PHF21B: variants seen among roughly 807,000 people sequenced by gnomAD.
PHF21B encodes the protein PHD finger protein 4.
A neutral mutation model predicts 62.2 loss-of-function variants in PHF21B; 22 were observed. That is an observed-to-expected ratio of 0.35 (90% CI 0.25 to 0.51). The LOEUF is 0.51. Among genes scored for constraint, PHF21B ranks in the 20% least tolerant of loss-of-function variants. The pLI is 0.97. For synonymous variants in PHF21B, 341 were observed against 314.7 expected, an observed-to-expected ratio of 1.08 and a Z score of -0.88; for missense variants, 701 against 707.9, an observed-to-expected ratio of 0.99 and a Z score of 0.11.
At position 44,883,177 on chromosome 22, in the gene PHF21B, G is replaced by A; in HGVS notation, c.1505C>T (p.Thr502Ile). 6.2e-7 allele frequency: 1 copy of A among 1,613,452 alleles called. No homozygotes were observed. Among genetic ancestry groups the A allele is most frequent in the Non-Finnish European group, 8.5e-7 (1 of 1,179,974 alleles). ...CCCGGCCAGCAGTGGGGCAGGGCTAGTGGTCGTCATGGTGACCTGGAGCAG... is the reference window on the plus strand; with the variant it reads ...CCCGGCCAGCAGTGGGGCAGGGCTAATGGTCGTCATGGTGACCTGGAGCAG... The part of the protein sequence containing the change: ...EQLLQVTMTT[T>I]SPAPLLAGPW... Residue 502 changes from threonine (T) to isoleucine (I), a missense_variant, in exon 13 of 13, where the codon ACT becomes ATT. Coordinates refer to ENST00000313237, the MANE Select transcript of PHF21B (RefSeq NM_138415.5).
At chr22:44,905,349 T>C (rs978929395) in intron 5 of PHF21B, among the ~76,000 whole-genome samples, 1 of 152,252 alleles carries the variant, frequency 6.6e-6, no homozygotes, top group Non-Finnish European at 1.5e-5. Flanking sequence ...ATCGCCATGT[T>C]TGTCATCATC....
intron 2 of PHF21B, among the ~76,000 whole-genome samples, chr22:44,988,071 T>C (rs1016932914): frequency 3.3e-5 from 5 of 152,216 alleles, no homozygotes; most frequent in East Asian, 1.9e-4. Flanking sequence ...GTCAAACTTA[T>C]TTAGGAAGCA....
intron 2 of PHF21B, among the ~76,000 whole-genome samples, chr22:44,945,714 A>T (rs2072054040): frequency 5.0e-5 from 1 of 19,852 alleles, no homozygotes; most frequent in African/African-American, 1.6e-4. Flanking sequence ...TGTTGGCAGA[A>T]TTGGGGGGGG....
At chr22:44,988,828 C>A (rs1227749284) in intron 2 of PHF21B, among the ~76,000 whole-genome samples, 1 of 152,218 alleles carries the variant, frequency 6.6e-6, no homozygotes, top group Non-Finnish European at 1.5e-5. Context: ...CAACAGGAGT[C>A]TACTGCTCAC....
chr22:44,893,000 C>T (rs1221080369), intron 7 of PHF21B, among the ~76,000 whole-genome samples: 3 of 152,142 alleles, frequency 2.0e-5, no homozygotes, highest in Non-Finnish European at 4.4e-5. Context: ...GCACTGGCCA[C>T]GCCCACCCAG....
Position 44,882,971 on chromosome 22 carries a change from G to C in PHF21B, c.*115C>G. Reference sequence around the variant, plus strand: ...TCTTCCTCCCTCCTCTCCTCTGTCTGGTTAATTTTTGTCTGAAATTCATAG... The same window carrying C: ...TCTTCCTCCCTCCTCTCCTCTGTCTCGTTAATTTTTGTCTGAAATTCATAG... On this transcript the variant is annotated 3_prime_UTR_variant, in exon 13 of 13. Coordinates refer to ENST00000313237, the MANE Select transcript of PHF21B (RefSeq NM_138415.5). 8.0e-7 allele frequency: 1 copy of C among 1,245,162 alleles called. No individual in the cohort carries two copies. Among genetic ancestry groups the C allele is most frequent in the South Asian group, 1.4e-5 (1 of 68,976 alleles). The allele number at this position is 1,245,162 out of a possible 1,614,324, so 77.1% of individuals were successfully genotyped here.
intron 2 of PHF21B, among the ~76,000 whole-genome samples, chr22:44,943,818 T>C (rs536732114): frequency 2.0e-5 from 3 of 152,256 alleles, no homozygotes; most frequent in African/African-American, 7.2e-5. Flanking sequence ...AGCGGCACCC[T>C]GGCACCATGC....
intron 2 of PHF21B, among the ~76,000 whole-genome samples, chr22:44,952,095 C>T (rs754091043): frequency 1.3e-5 from 2 of 152,146 alleles, no homozygotes; most frequent in African/African-American, 2.4e-5. Flanking sequence ...GTAATCCCAG[C>T]ACCTATGGAG....
At chr22:44,986,095 T>A (rs1171936588) in intron 2 of PHF21B, among the ~76,000 whole-genome samples, 1 of 128,476 alleles carries the variant, frequency 7.8e-6, no homozygotes, top group African/African-American at 3.1e-5. Flanking sequence ...ATGACAACCA[T>A]CCTCATCACC....
At chr22:44,931,235 A>C (rs1413578905) in intron 2 of PHF21B, among the ~76,000 whole-genome samples, 1 of 152,186 alleles carries the variant, frequency 6.6e-6, no homozygotes, top group African/African-American at 2.4e-5. Flanking sequence ...GTCACTTTCT[A>C]AAGTTCTGAC....
intron 2 of PHF21B, among the ~76,000 whole-genome samples, chr22:44,984,180 A>ACCACCATCACCACCGCC (rs2072901347): frequency 1.8e-4 from 1 of 5,508 alleles, no homozygotes. Flanking sequence ...TCACCATCAC[A>ACCACCATCACCACCGCC]ACCACCATCA....
intron 2 of PHF21B, among the ~76,000 whole-genome samples, chr22:44,984,640 C>A (rs972100402): frequency 2.6e-5 from 4 of 152,200 alleles, no homozygotes; most frequent in Admixed American, 2.6e-4. Context: ...AATGAAAGTG[C>A]GTGACATACA....
chr22:44,907,546 T>C (rs1188615294), intron 5 of PHF21B, among the ~76,000 whole-genome samples: 4 of 152,174 alleles, frequency 2.6e-5, no homozygotes, highest in African/African-American at 9.7e-5. Flanking sequence ...TCCCTGTCTG[T>C]GACCTGGAAG....
At chr22:44,906,261 G>A (rs2071248037) in intron 5 of PHF21B, among the ~76,000 whole-genome samples, 1 of 152,208 alleles carries the variant, frequency 6.6e-6, no homozygotes, top group Non-Finnish European at 1.5e-5. Flanking sequence ...GATGGACGGG[G>A]TGCTTGGATG....
chr22:44,967,390 T>G (rs2072549412), intron 2 of PHF21B, among the ~76,000 whole-genome samples: 1 of 151,940 alleles, frequency 6.6e-6, no homozygotes, highest in Non-Finnish European at 1.5e-5. Context: ...CTGGCTAATT[T>G]TTTTGTATTT....
intron 2 of PHF21B, chr22:44,969,350 T>C (rs1037702104): frequency 2.0e-5 from 3 of 152,372 alleles, no homozygotes; most frequent in Non-Finnish European, 4.4e-5. Context: ...GTTCAACTCC[T>C]AGGCCTCCAT....
rs2071024771 is a variant in PHF21B, at chr22:44,894,612, A to G, written c.884-1079T>C. Among the ~76,000 whole-genome samples, 3 of 152,300 alleles carry G rather than the reference A, an allele frequency of 2.0e-5. No homozygotes were observed. The South Asian group carries it at 6.2e-4, about 32-fold the overall frequency. On this transcript the variant is annotated intron_variant, in intron 6 of 12. Coordinates refer to ENST00000313237, the MANE Select transcript of PHF21B (RefSeq NM_138415.5). ...GCGGGGAGCTCACAGAGGTTCTTACAAAGGAACCTTGGCTGGAGGGTAATG... is the reference window on the plus strand; with the variant it reads ...GCGGGGAGCTCACAGAGGTTCTTACGAAGGAACCTTGGCTGGAGGGTAATG...
chr22:44,910,849 G>C (rs1422757530), intron 5 of PHF21B, among the ~76,000 whole-genome samples: 2 of 152,214 alleles, frequency 1.3e-5, no homozygotes, highest in Non-Finnish European at 2.9e-5. Context: ...CTGGGTAATA[G>C]GCAGAGGTTA....
intron 2 of PHF21B, among the ~76,000 whole-genome samples, chr22:44,961,895 A>T (rs1324678256): frequency 6.7e-6 from 1 of 149,296 alleles, no homozygotes; most frequent in Non-Finnish European, 1.5e-5. Flanking sequence ...TAAATAAATA[A>T]GTATAATGAC....
Sources: gnomAD v4.1 joint callset for allele counts (sites outside exome capture counted in the v4.1 genomes callset) on GRCh38, gnomAD v4.1.1 for gene constraint, MANE v1.5 for transcripts, NCBI Gene and HGNC (gene_info 2026-07-23, HGNC 2026-07-21) for gene names.